Variants in MACROD2 observed in about 807,000 individuals in gnomAD.
MACROD2 encodes mono-ADP ribosylhydrolase 2.
In MACROD2, 36 loss-of-function variants were observed where a neutral mutation model predicts 70.4. That is an observed-to-expected ratio of 0.51 (90% CI 0.39 to 0.68). The LOEUF is 0.68. Ranked by LOEUF, MACROD2 falls within the 30% of genes least tolerant of loss-of-function variation. MACROD2 has a pLI of 0.00. For missense variants in MACROD2, 496 were observed against 538.4 expected, an observed-to-expected ratio of 0.92 and a Z score of 0.78; for synonymous variants, 172 against 178.8, an observed-to-expected ratio of 0.96 and a Z score of 0.30.
chr20:15,035,882 C>T (rs923232983), intron 5 of MACROD2, among the ~76,000 whole-genome samples: 2 of 151,408 alleles, frequency 1.3e-5, no homozygotes, highest in Non-Finnish European at 2.9e-5. Context: ...CCTGCTCCCC[C>T]TTTTTTTTTC....
chr20:14,998,991 G>A (rs1340300260), intron 5 of MACROD2, among the ~76,000 whole-genome samples: 1 of 152,180 alleles, frequency 6.6e-6, no homozygotes, highest in African/African-American at 2.4e-5. Flanking sequence ...TATTTAAAGT[G>A]CTGAAGGCAA....
intron 5 of MACROD2, among the ~76,000 whole-genome samples, chr20:14,797,177 A>G (rs1181612917): frequency 1.3e-5 from 2 of 151,910 alleles, no homozygotes; most frequent in East Asian, 3.9e-4. Context: ...TACCATCACT[A>G]TTCACCTAGA....
At chr20:15,877,241 T>A (rs1568612895) in intron 9 of MACROD2, among the ~76,000 whole-genome samples, 2 of 152,114 alleles carry the variant, frequency 1.3e-5, no homozygotes, top group Admixed American at 1.3e-4. Flanking sequence ...CAACTGAACA[T>A]ATCCAAAATT....
At chr20:14,907,790 G>C (rs2073977406) in intron 5 of MACROD2, among the ~76,000 whole-genome samples, 1 of 152,140 alleles carries the variant, frequency 6.6e-6, no homozygotes, top group African/African-American at 2.4e-5. Context: ...CAACGAAAGA[G>C]TTTAGATATT....
intron 4 of MACROD2, among the ~76,000 whole-genome samples, chr20:14,582,504 C>G (rs1981100770): frequency 6.6e-6 from 1 of 152,056 alleles, no homozygotes; most frequent in Non-Finnish European, 1.5e-5. Context: ...TCACTCCAAA[C>G]TGTGCAGCAA....
At chr20:14,577,826 A>AGAGAAGAGAAGAGAAGAGAAGAGAAGAG in intron 4 of MACROD2, among the ~76,000 whole-genome samples, 1 of 151,974 alleles carries the variant, frequency 6.6e-6, no homozygotes, top group Middle Eastern at 3.2e-3. Flanking sequence ...AGAGAAGAGA[A>AGAGAAGAGAAGAGAAGAGAAGAGAAGAG]GAGAAGAGAA....
At chr20:14,036,767 G>A (rs1225353439) in intron 2 of MACROD2, among the ~76,000 whole-genome samples, 2 of 152,134 alleles carry the variant, frequency 1.3e-5, no homozygotes, top group African/African-American at 4.8e-5. Context: ...AGGCTCAAGC[G>A]ATTCTCCCAC....
intron 5 of MACROD2, among the ~76,000 whole-genome samples, chr20:14,758,599 G>A (rs568806435): frequency 5.9e-5 from 9 of 152,064 alleles, no homozygotes; most frequent in African/African-American, 2.2e-4. Flanking sequence ...TCCACTGGGG[G>A]ACCCATGCAC....
In MACROD2 at chr20:15,554,025, G is replaced by A. The variant is rs773836457; in HGVS notation, c.645+54178G>A. 1.1e-4 allele frequency among the ~76,000 whole-genome samples: 17 copies of A among 152,270 alleles called. No individual in the cohort carries two copies. In the South Asian group the frequency reaches 1.9e-3, roughly 17 times the overall value. Reference sequence around the variant, plus strand: ...AATGGATCAAAGCCAGCAAAACAGGGATCAGAAAAATAAGGGAGAGGGCTA... The same window carrying A: ...AATGGATCAAAGCCAGCAAAACAGGAATCAGAAAAATAAGGGAGAGGGCTA... On this transcript the variant is annotated intron_variant, in intron 8 of 17. Coordinates refer to ENST00000684519, the MANE Select transcript of MACROD2 (RefSeq NM_001351661.2).
At chr20:14,770,320 G>C (rs115373342) in intron 5 of MACROD2, among the ~76,000 whole-genome samples, 1,969 of 151,980 alleles carry the variant, frequency 0.013, 47 homozygotes, top group African/African-American at 0.045. Flanking sequence ...TCTTCAAATA[G>C]GGGACTACAG....
At chr20:14,984,583 A>G (rs973882366) in intron 5 of MACROD2, among the ~76,000 whole-genome samples, 4 of 152,182 alleles carry the variant, frequency 2.6e-5, no homozygotes, top group Admixed American at 6.5e-5. Flanking sequence ...TGCTAGACGA[A>G]CAGGGGTGGG....
chr20:15,666,658 A>G (rs1239697473), intron 8 of MACROD2, among the ~76,000 whole-genome samples: 1 of 152,196 alleles, frequency 6.6e-6, no homozygotes, highest in Admixed American at 6.5e-5. Flanking sequence ...AATTCAATTC[A>G]ATAAATATTT....
chr20:14,239,745 A>G (rs896185215), intron 3 of MACROD2, among the ~76,000 whole-genome samples: 2 of 152,230 alleles, frequency 1.3e-5, no homozygotes, highest in Non-Finnish European at 2.9e-5. Context: ...AAGGTAATCT[A>G]GGAAATACCA....
At chr20:14,691,594 A>C (rs1474243735) in intron 5 of MACROD2, among the ~76,000 whole-genome samples, 1 of 152,188 alleles carries the variant, frequency 6.6e-6, no homozygotes, top group African/African-American at 2.4e-5. Context: ...TGTTAGCTGC[A>C]AAGGAGCCTG....
intron 8 of MACROD2, among the ~76,000 whole-genome samples, chr20:15,563,136 C>T (rs545010848): frequency 2.0e-5 from 3 of 152,158 alleles, no homozygotes; most frequent in African/African-American, 4.8e-5. Flanking sequence ...GTGTTGATGC[C>T]CTTAGGAACA....
chr20:14,847,284 A>C (rs1243217955), intron 5 of MACROD2, among the ~76,000 whole-genome samples: 1 of 152,144 alleles, frequency 6.6e-6, no homozygotes, highest in Non-Finnish European at 1.5e-5. Flanking sequence ...AATTGGACTG[A>C]TGTTTATTTA....
chr20:15,019,757 G>A (rs1369500945), intron 5 of MACROD2, among the ~76,000 whole-genome samples: 6 of 152,246 alleles, frequency 3.9e-5, no homozygotes, highest in African/African-American at 1.4e-4. Flanking sequence ...TCTTGAATAG[G>A]ATTGACAAAC....
Position 13,995,987 on chromosome 20 carries a change from G to C in MACROD2, c.46+178G>C, listed in dbSNP as rs1601089613. On this transcript the variant is annotated intron_variant, in intron 1 of 17. Transcript: ENST00000684519. The surrounding 1 kb of genome is among the most constrained non-coding windows in gnomAD (Gnocchi z 4.3). ...CGCGCACACTCGCGCGCACTCCGGC[G>C]TGCACGCGCCGCCCCTGGGCACCTG... Among the ~76,000 whole-genome samples, 2 of 152,218 alleles carry C rather than the reference G, an allele frequency of 1.3e-5. No homozygotes were observed. Among genetic ancestry groups the C allele is most frequent in the African/African-American group, 4.8e-5 (2 of 41,574 alleles).
intron 5 of MACROD2, among the ~76,000 whole-genome samples, chr20:14,911,188 T>A (rs2074022474): frequency 6.6e-6 from 1 of 152,136 alleles, no homozygotes; most frequent in South Asian, 2.1e-4. Flanking sequence ...ACCTATTGAA[T>A]GAGAGTCCGT....
Sources: gnomAD v4.1 joint callset for allele counts (sites outside exome capture counted in the v4.1 genomes callset) on GRCh38, gnomAD v4.1.1 for gene constraint, Gnocchi (gnomAD v3.1) non-coding constraint, MANE v1.5 for transcripts, NCBI Gene and HGNC (gene_info 2026-07-23, HGNC 2026-07-21) for gene names.